MATN2: variants seen among roughly 807,000 people sequenced by gnomAD.
MATN2 encodes matrilin-2.
In MATN2, 69 loss-of-function variants were observed where a neutral mutation model predicts 103.2. The ratio of observed to expected loss-of-function variants is 0.67; its 90% CI spans 0.55 to 0.82. MATN2 has a LOEUF of 0.82. MATN2 is among the 40% of genes least tolerant of loss of function. The probability of loss-of-function intolerance (pLI) is 0.00; values close to 1 mark genes in which losing one functional copy is unlikely to be tolerated. For missense variants in MATN2, 1,023 were observed against 1,211.5 expected (o/e 0.84, Z 2.31); for synonymous variants, 429 against 450.2 (o/e 0.95, Z 0.60).
At chr8:97,898,500 G>A (rs1227165599) in intron 2 of MATN2, among the ~76,000 whole-genome samples, 2 of 151,830 alleles carry the variant, frequency 1.3e-5, no homozygotes, top group Non-Finnish European at 2.9e-5. Flanking sequence ...GGGAGGCCGA[G>A]GCAGGAAAAT....
intron 4 of MATN2, among the ~76,000 whole-genome samples, chr8:97,943,261 C>T (rs1810629539): frequency 6.6e-6 from 1 of 152,036 alleles, no homozygotes. Flanking sequence ...TTCAGGTGTT[C>T]TACCTCCCCA....
intron 2 of MATN2, among the ~76,000 whole-genome samples, chr8:97,896,340 A>G (rs1260868440): frequency 6.6e-6 from 1 of 152,216 alleles, no homozygotes; most frequent in African/African-American, 2.4e-5. Flanking sequence ...AATTCCCCTG[A>G]CATCCCTTCT....
At chr8:97,996,044 G>A (rs1219275571) in intron 7 of MATN2, among the ~76,000 whole-genome samples, 1 of 152,202 alleles carries the variant, frequency 6.6e-6, no homozygotes, top group Non-Finnish European at 1.5e-5. Context: ...GCTGCACCCA[G>A]GGGAAATCAC....
At chr8:97,885,704 T>C (rs1474640222) in intron 1 of MATN2, among the ~76,000 whole-genome samples, 1 of 152,054 alleles carries the variant, frequency 6.6e-6, no homozygotes, top group Non-Finnish European at 1.5e-5. Flanking sequence ...GAGGCTGAAG[T>C]TGGGGGATCC....
At chr8:98,031,255 T>C (rs1814007932) in intron 15 of MATN2, among the ~76,000 whole-genome samples, 1 of 151,974 alleles carries the variant, frequency 6.6e-6, no homozygotes, top group African/African-American at 2.4e-5. Flanking sequence ...GGAGGATCGT[T>C]TGAGCCCTGG....
intron 13 of MATN2, among the ~76,000 whole-genome samples, chr8:98,024,435 G>T (rs146689757): frequency 0.02 from 3,101 of 152,290 alleles, 101 homozygotes; most frequent in African/African-American, 0.07. Context: ...AACCCAGGAG[G>T]TGGAGGCAGC....
At chr8:97,874,415 T>TTTA (rs1817997625) in intron 1 of MATN2, among the ~76,000 whole-genome samples, 1 of 151,542 alleles carries the variant, frequency 6.6e-6, no homozygotes, top group Non-Finnish European at 1.5e-5. Context: ...TCTTTTTTTT[T>TTTA]TTTTGTTTGA....
At chr8:97,960,854 G>A (rs12547386) in intron 4 of MATN2, among the ~76,000 whole-genome samples, 31,035 of 151,994 alleles carry the variant, frequency 0.2, 3,649 homozygotes, top group South Asian at 0.37. Context: ...TCGCTCTGTC[G>A]TCCAGGCTGG....
chr8:97,870,516 C>T (rs1353725194), intron 1 of MATN2, among the ~76,000 whole-genome samples: 1 of 134,040 alleles, frequency 7.5e-6, no homozygotes, highest in Non-Finnish European at 1.8e-5. Context: ...TAAACTCCGT[C>T]TCAAAAGAAA....
At chr8:97,906,874 C>T (rs370644871) in intron 2 of MATN2, among the ~76,000 whole-genome samples, 3 of 152,216 alleles carry the variant, frequency 2.0e-5, no homozygotes, top group African/African-American at 7.2e-5. Flanking sequence ...CCTCTATTTC[C>T]GCAGAGGCAG....
chr8:97,908,875 G>A (rs540989257), intron 2 of MATN2, among the ~76,000 whole-genome samples: 6 of 152,146 alleles, frequency 3.9e-5, no homozygotes, highest in South Asian at 4.2e-4. Flanking sequence ...GTGATCCACC[G>A]GCCTTGGCCT....
chr8:97,883,284 C>CA (rs149466404), intron 1 of MATN2, among the ~76,000 whole-genome samples: 40 of 115,168 alleles, frequency 3.5e-4, no homozygotes, highest in South Asian at 2.0e-3. Flanking sequence ...GACTCTGTCT[C>CA]AAAAAAAAAA....
intron 10 of MATN2, among the ~76,000 whole-genome samples, chr8:98,008,868 A>G (rs146022266): frequency 2.3e-4 from 35 of 152,318 alleles, no homozygotes; most frequent in East Asian, 9.6e-4. Context: ...TGACTACAAG[A>G]TGGTTGTAGG....
chr8:97,894,194 A>AC (rs1818727684), intron 2 of MATN2, among the ~76,000 whole-genome samples: 1 of 151,746 alleles, frequency 6.6e-6, no homozygotes, highest in South Asian at 2.1e-4. Context: ...CCCACCCCAC[A>AC]CCCCACCACA....
intron 10 of MATN2, among the ~76,000 whole-genome samples, chr8:98,014,612 T>C (rs1813295337): frequency 6.6e-6 from 1 of 152,204 alleles, no homozygotes; most frequent in Non-Finnish European, 1.5e-5. Flanking sequence ...AATATAGCAA[T>C]GTAGTATAGT....
intron 1 of MATN2, among the ~76,000 whole-genome samples, chr8:97,885,718 G>A (rs947937413): frequency 2.0e-5 from 3 of 152,210 alleles, no homozygotes; most frequent in Middle Eastern, 3.4e-3. Context: ...GGGATCCCTC[G>A]AGCCTGGGAG....
At chr8:97,871,587 T>C (rs1455282305) in intron 1 of MATN2, among the ~76,000 whole-genome samples, 1 of 152,210 alleles carries the variant, frequency 6.6e-6, no homozygotes, top group Non-Finnish European at 1.5e-5. Flanking sequence ...TTAAAGCATA[T>C]GGCAAGATAA....
chr8:98,017,890 C>A, intron 11 of MATN2, 104 bp from the exon 12 acceptor site: 2 of 1,298,534 alleles, frequency 1.5e-6, no homozygotes, highest in Non-Finnish European at 2.2e-6. Context: ...GCTCAGGTGG[C>A]AGATAGAATC....
chr8:97,943,277 A>G (rs1454797898), intron 4 of MATN2, among the ~76,000 whole-genome samples: 1 of 149,848 alleles, frequency 6.7e-6, no homozygotes, highest in Non-Finnish European at 1.5e-5. Flanking sequence ...CCCCACAACC[A>G]TCCTCTGGAG....
Sources: allele counts gnomAD v4.1 joint callset (sites outside exome capture counted in the v4.1 genomes callset), GRCh38; gene constraint gnomAD v4.1.1; transcripts MANE v1.5; gene names NCBI Gene and HGNC (gene_info 2026-07-23, HGNC 2026-07-21).